The following DYNC2I1 variants were observed in gnomAD, a reference collection of about 807,000 sequenced individuals.
DYNC2I1 encodes the protein dynein 2 intermediate chain 1.
In DYNC2I1, 89 loss-of-function variants were observed where a neutral mutation model predicts 133.4. The observed-to-expected ratio is 0.67, with a 90% CI of 0.56 to 0.80. The LOEUF is 0.80. DYNC2I1 is among the 30% of genes least tolerant of loss of function. The pLI is 0.00. For synonymous variants in DYNC2I1, 504 were observed against 484.3 expected (o/e 1.04, Z -0.54); for missense variants, 1,291 against 1,314.5 (o/e 0.98, Z 0.28).
chr7:158,911,599 A>G lies in DYNC2I1; in HGVS notation c.1510A>G (p.Thr504Ala). Residue 504 changes from threonine to alanine, a missense_variant, in exon 12 of 25, where the codon ACT (threonine) becomes GCT (alanine). Coordinates refer to ENST00000407559, the MANE Select transcript of DYNC2I1 (RefSeq NM_018051.5). ...LRLIDLDFSFTFSLLDLPPVN... is the reference protein window; with the variant it reads ...LRLIDLDFSFAFSLLDLPPVN... ...GCTCATTGACTTAGATTTTTCATTT[A>G]CTTTCTCTCTCTTGGATCTACCACC... The G allele has an allele frequency of 6.2e-7, 1 of 1,613,742 alleles. No individual in the cohort carries two copies. The highest frequency in any genetic ancestry group is 8.5e-7 in the Non-Finnish European group (1 of 1,179,808).
At chr7:158,917,164 T>C (rs13243151) in intron 14 of DYNC2I1, among the ~76,000 whole-genome samples, 8 of 121,614 alleles carry the variant, frequency 6.6e-5, no homozygotes, top group African/African-American at 1.7e-4. Context: ...TGTGAAATGT[T>C]GACACGTGGT....
At chr7:158,922,177 C>T (rs1295623320) in intron 15 of DYNC2I1, among the ~76,000 whole-genome samples, 200 bp from the exon 16 acceptor site, 2 of 152,170 alleles carry the variant, frequency 1.3e-5, no homozygotes, top group Non-Finnish European at 2.9e-5. Flanking sequence ...TAGCCAGACT[C>T]TGAGGTCAGC....
upstream of DYNC2I1, among the ~76,000 whole-genome samples, chr7:158,853,197 G>A (rs1421810524): frequency 6.6e-6 from 1 of 152,186 alleles, no homozygotes; most frequent in Non-Finnish European, 1.5e-5. Context: ...TTGGCCACAA[G>A]GGGAGGATGT....
chr7:158,929,846 G>A (rs1358974365), intron 20 of DYNC2I1, among the ~76,000 whole-genome samples: 2 of 152,248 alleles, frequency 1.3e-5, no homozygotes, highest in Non-Finnish European at 2.9e-5. Flanking sequence ...AGGAGCCAGC[G>A]CTGTAGCCAT....
intron 3 of DYNC2I1, 77 bp from the exon 4 acceptor site, chr7:158,876,528 ACCAT>A: frequency 6.8e-7 from 1 of 1,476,748 alleles, no homozygotes; most frequent in Non-Finnish European, 8.9e-7. Context: ...AATGTGCAAT[ACCAT>A]CCATAGCAAG....
intron 4 of DYNC2I1, among the ~76,000 whole-genome samples, chr7:158,877,119 G>A (rs1164542232): frequency 1.3e-5 from 2 of 152,244 alleles, no homozygotes; most frequent in Admixed American, 6.5e-5. Context: ...CCGTGTTTCA[G>A]TGAGCGTGCA....
chr7:158,940,780 CAAATGA>C (rs2129488584), intron 23 of DYNC2I1, among the ~76,000 whole-genome samples: 1 of 152,108 alleles, frequency 6.6e-6, no homozygotes, highest in African/African-American at 2.4e-5. Context: ...TTTATTGAAA[CAAATGA>C]AAATGGAAAT....
chr7:158,881,748 CG>C (rs1363182475), intron 5 of DYNC2I1, among the ~76,000 whole-genome samples: 1 of 152,144 alleles, frequency 6.6e-6, no homozygotes, highest in Admixed American at 6.5e-5. Flanking sequence ...CTACCGCGCC[CG>C]GCCATTTTTT....
At chr7:158,870,513 T>G (rs1842785615) in intron 2 of DYNC2I1, among the ~76,000 whole-genome samples, 1 of 150,702 alleles carries the variant, frequency 6.6e-6, no homozygotes, top group Non-Finnish European at 1.5e-5. Flanking sequence ...ACCACCAGGC[T>G]TGCTAATTTT....
chr7:158,923,378 T>C (rs891776618), intron 16 of DYNC2I1, among the ~76,000 whole-genome samples, 193 bp from the exon 17 acceptor site: 1 of 152,162 alleles, frequency 6.6e-6, no homozygotes, highest in African/African-American at 2.4e-5. Context: ...TTCTCATCCC[T>C]ATTCTCCATT....
chr7:158,858,629 C>G (rs1841545920), intron 1 of DYNC2I1, among the ~76,000 whole-genome samples: 1 of 152,098 alleles, frequency 6.6e-6, no homozygotes, highest in Non-Finnish European at 1.5e-5. Context: ...CTCTTAAATT[C>G]TTCCCAGAGC....
chr7:158,926,932 CT>C, intron 19 of DYNC2I1, 59 bp from the exon 20 acceptor site: 1 of 1,285,082 alleles, frequency 7.8e-7, no homozygotes, highest in Non-Finnish European at 1.1e-6. Context: ...CTATGCTTTG[CT>C]TAGGTTGTTT....
intron 11 of DYNC2I1, among the ~76,000 whole-genome samples, chr7:158,907,100 C>T (rs1458378471): frequency 6.6e-6 from 1 of 151,568 alleles, no homozygotes; most frequent in Non-Finnish European, 1.5e-5. Context: ...TGAGGCTGCA[C>T]TGAGCTGTGG....
intron 13 of DYNC2I1, among the ~76,000 whole-genome samples, chr7:158,913,354 T>C (rs962597480): frequency 6.6e-6 from 1 of 152,222 alleles, no homozygotes; most frequent in Non-Finnish European, 1.5e-5. Flanking sequence ...ACAGATTTTA[T>C]TCCTGTGTAG....
chr7:158,874,450 G>A (rs912677992), intron 3 of DYNC2I1, among the ~76,000 whole-genome samples: 4 of 152,068 alleles, frequency 2.6e-5, no homozygotes, highest in Non-Finnish European at 4.4e-5. Context: ...GATGTTTTTG[G>A]TATTTATTTG....
At chr7:158,923,883 C>CA (rs1849350611) in intron 17 of DYNC2I1, 150 bp downstream of exon 17, 3 of 965,670 alleles carry the variant, frequency 3.1e-6, no homozygotes, top group Non-Finnish European at 3.0e-6. Flanking sequence ...TTGATAAATA[C>CA]AAAAAACAGA....
At chr7:158,865,064 C>T (rs918540304) in intron 1 of DYNC2I1, among the ~76,000 whole-genome samples, 5 of 152,200 alleles carry the variant, frequency 3.3e-5, no homozygotes, top group Non-Finnish European at 7.3e-5. Context: ...AGCGCGGAAG[C>T]CCTCACACCC....
At chr7:158,935,715 T>G (rs1850685325) in intron 23 of DYNC2I1, among the ~76,000 whole-genome samples, 1 of 152,224 alleles carries the variant, frequency 6.6e-6, no homozygotes, top group African/African-American at 2.4e-5. Context: ...TGGGATGTGC[T>G]GGAGGTGTGA....
intron 13 of DYNC2I1, among the ~76,000 whole-genome samples, chr7:158,913,353 A>T (rs111476476): frequency 0.022 from 3,389 of 152,264 alleles, 146 homozygotes; most frequent in African/African-American, 0.077. Flanking sequence ...GACAGATTTT[A>T]TTCCTGTGTA....
Sources: gnomAD v4.1 joint callset for allele counts (sites outside exome capture counted in the v4.1 genomes callset) on GRCh38, gnomAD v4.1.1 for gene constraint, MANE v1.5 for transcripts, NCBI Gene and HGNC (gene_info 2026-07-23, HGNC 2026-07-21) for gene names.